Variants in TEX11 observed in about 807,000 individuals in gnomAD.
The protein encoded by TEX11 is testis expressed 11.
A neutral mutation model predicts 84.4 loss-of-function variants in TEX11; 7 were observed. That is an observed-to-expected ratio of 0.08 (90% confidence interval 0.05 to 0.16). The LOEUF is 0.16. Among genes scored for constraint, TEX11 ranks in the 10% least tolerant of loss-of-function variants. The probability of loss-of-function intolerance (pLI) is 1.00; values close to 1 mark genes in which losing one functional copy is unlikely to be tolerated. For synonymous variants in TEX11, 264 were observed against 222.8 expected, an observed-to-expected ratio of 1.18 and a Z score of -1.64; for missense variants, 551 against 660.5, an observed-to-expected ratio of 0.83 and a Z score of 1.82.
chrX:70,833,279 A>AAAAAGAAAAGAAAAGAAAAG (rs201329658), intron 8 of TEX11, among the ~76,000 whole-genome samples: 10 of 103,337 alleles, frequency 9.7e-5, no homozygotes, highest in African/African-American at 3.8e-4. Flanking sequence ...CAGAAAAAAA[A>AAAAAGAAAAGAAAAGAAAAG]AAAAGAAAAG....
intron 9 of TEX11, among the ~76,000 whole-genome samples, chrX:70,755,035 C>T: frequency 8.9e-6 from 1 of 111,840 alleles, no homozygotes; most frequent in East Asian, 2.8e-4. Flanking sequence ...ACTGTGAAGT[C>T]TAAAATAAAT....
Position 70,554,799 on chromosome X carries a change from C to G in TEX11, c.2142G>C (p.Gly714=). Residue 714 remains glycine, a splice_region_variant and synonymous_variant, in exon 26 of 30, where the codon GGG becomes GGC. Coordinates refer to ENST00000374333, the MANE Select transcript of TEX11 (RefSeq NM_031276.3). ...TCTCACATGAATCATTTGAGAAGGT[C>G]CCTAAGAAAGAGGCAAAAATGCAAC... ...NDIHNFLKQT[G]TFSNDSCEKL... 8.3e-7 allele frequency: 1 copy of G among 1,198,563 alleles called. No individual in the cohort carries two copies.
chrX:70,692,154 A>G (rs1273633262), intron 13 of TEX11, among the ~76,000 whole-genome samples: 1 of 112,066 alleles, frequency 8.9e-6, no homozygotes, highest in Non-Finnish European at 1.9e-5. Context: ...TGTTTAATGT[A>G]TACAATTTGA....
At chrX:70,511,541 T>G in the TEX11 span, among the ~76,000 whole-genome samples, 1 of 106,999 alleles carries the variant, frequency 9.3e-6, no homozygotes, top group Admixed American at 9.9e-5. Flanking sequence ...GATCACAAGG[T>G]CAGAAGTTCG....
chrX:70,873,356 C>T, intron 3 of TEX11, 49 bp from the exon 4 acceptor site: 1 of 821,292 alleles, frequency 1.2e-6, no homozygotes, highest in South Asian at 2.2e-5. Context: ...CTGGCCACCT[C>T]CAACGGTATT....
chrX:70,782,732 G>T (rs759030074), intron 9 of TEX11, among the ~76,000 whole-genome samples: 1 of 96,080 alleles, frequency 1.0e-5, no homozygotes, highest in South Asian at 5.1e-4. Context: ...AAAAGACAAA[G>T]AAGGCCATTA....
chrX:70,512,118 A>G, the TEX11 span, among the ~76,000 whole-genome samples: 2 of 107,880 alleles, frequency 1.9e-5, no homozygotes, highest in African/African-American at 3.5e-5. Flanking sequence ...ACACAAAGCT[A>G]TGCACCTTTG....
intron 28 of TEX11, among the ~76,000 whole-genome samples, chrX:70,534,585 G>C (rs1322339246): frequency 2.7e-5 from 3 of 111,694 alleles, no homozygotes; most frequent in Non-Finnish European, 5.6e-5. Context: ...AAACTGAGGT[G>C]TTTGCTCTGA....
At chrX:70,606,322 T>C (rs2089195257) in intron 23 of TEX11, among the ~76,000 whole-genome samples, 1 of 112,290 alleles carries the variant, frequency 8.9e-6, no homozygotes, top group African/African-American at 3.2e-5. Flanking sequence ...CATATCATAC[T>C]GTGTATTCCT....
At chrX:70,636,455 C>T (rs2089575041) in intron 17 of TEX11, among the ~76,000 whole-genome samples, 1 of 110,934 alleles carries the variant, frequency 9.0e-6, no homozygotes, top group African/African-American at 3.3e-5. Context: ...TCTAAAACCA[C>T]CCCTACAAAC....
At chrX:70,687,827 CAG>C (rs2090201460) in intron 13 of TEX11, among the ~76,000 whole-genome samples, 1 of 106,354 alleles carries the variant, frequency 9.4e-6, no homozygotes, top group Non-Finnish European at 1.9e-5. Context: ...GCCTGGGCAA[CAG>C]AGTGAGACCT....
intron 23 of TEX11, among the ~76,000 whole-genome samples, chrX:70,606,475 G>A (rs899725344): frequency 6.3e-5 from 7 of 111,701 alleles, no homozygotes; most frequent in Non-Finnish European, 1.1e-4. Context: ...CTCACAAATC[G>A]CTACACTCAG....
intron 20 of TEX11, among the ~76,000 whole-genome samples, chrX:70,613,065 T>G (rs2089279541): frequency 9.0e-6 from 1 of 111,532 alleles, no homozygotes; most frequent in Non-Finnish European, 1.9e-5. Context: ...AACCCAGAAT[T>G]TTGTACCTTG....
intron 25 of TEX11, among the ~76,000 whole-genome samples, chrX:70,589,382 A>G (rs1455820398): frequency 9.1e-6 from 1 of 110,221 alleles, no homozygotes; most frequent in Non-Finnish European, 1.9e-5. Flanking sequence ...ATATACTTAG[A>G]CTATATATAT....
At chrX:70,597,410 T>C (rs1434898074) in intron 24 of TEX11, among the ~76,000 whole-genome samples, 1 of 112,080 alleles carries the variant, frequency 8.9e-6, no homozygotes, top group Non-Finnish European at 1.9e-5. Context: ...CAAGGCAATG[T>C]GGTATTGCCC....
At chrX:70,787,453 C>T (rs1034640135) in intron 9 of TEX11, among the ~76,000 whole-genome samples, 1 of 110,703 alleles carries the variant, frequency 9.0e-6, no homozygotes, top group Admixed American at 9.7e-5. Context: ...GCCTCAGACT[C>T]CCAAGTATCT....
chrX:70,715,879 G>A (rs6625661), intron 13 of TEX11, among the ~76,000 whole-genome samples: 51,988 of 107,794 alleles, frequency 0.48, 9,542 homozygotes, highest in East Asian at 0.69. Context: ...GATTTTTAGA[G>A]TTTCCAGTTT....
At chrX:70,836,299 G>C (rs959912397) in intron 7 of TEX11, among the ~76,000 whole-genome samples, 1 of 110,989 alleles carries the variant, frequency 9.0e-6, no homozygotes, top group African/African-American at 3.3e-5. Context: ...GACACCAAAA[G>C]CATGATCCAT....
Position 70,725,324 on chromosome X carries a change from C to A in TEX11, c.863G>T (p.Gly288Val). The change falls in exon 12 of 30, where the codon GGG becomes GTG. Residue 288 changes from glycine to valine, a missense_variant. Gly to Val is a moderately radical substitution (Grantham distance 109). Transcript: ENST00000374333. ...GAGGATTTTCATTTTTAAGAAAAGCCCAGGAGAACTTAAATGTTCCTATTT... is the reference window on the plus strand; with the variant it reads ...GAGGATTTTCATTTTTAAGAAAAGCACAGGAGAACTTAAATGTTCCTATTT... ...LANKEHLSSP[G>V]LFLKMKILLK... 8.5e-7 allele frequency: 1 copy of A among 1,182,486 alleles called. No homozygotes were observed. Among genetic ancestry groups the A allele is most frequent in the Non-Finnish European group, 1.1e-6 (1 of 874,756 alleles).
Sources: allele counts gnomAD v4.1 joint callset (sites outside exome capture counted in the v4.1 genomes callset), GRCh38; gene constraint gnomAD v4.1.1; transcripts MANE v1.5; gene names NCBI Gene and HGNC (gene_info 2026-07-23, HGNC 2026-07-21).